Variants in AFG2B observed in about 807,000 individuals in gnomAD.
AFG2B encodes ATPase family gene 2 protein homolog B.
chr15:45,417,436 A>G, the AFG2B span: 1 of 1,607,362 alleles, frequency 6.2e-7, no homozygotes, highest in Non-Finnish European at 8.5e-7. Flanking sequence ...TGAGCTCAGC[A>G]GAATTGAATT....
the AFG2B span, among the ~76,000 whole-genome samples, chr15:45,419,613 G>A: frequency 2.0e-5 from 3 of 152,080 alleles, no homozygotes; most frequent in African/African-American, 7.2e-5. Flanking sequence ...TTGAATTAAA[G>A]TGATCACATT....
At chr15:45,418,005 T>C in the AFG2B span, among the ~76,000 whole-genome samples, 10 of 152,284 alleles carry the variant, frequency 6.6e-5, no homozygotes, top group Non-Finnish European at 1.3e-4. Context: ...TGATAATTCA[T>C]GTATTTGCTT....
At chr15:45,403,144 C>A in the AFG2B span, 1 of 1,460,780 alleles carries the variant, frequency 6.8e-7, no homozygotes, top group Non-Finnish European at 9.0e-7. Context: ...CGGGGTGCTC[C>A]TGGCGGGGCC....
At chr15:45,418,325 CAG>C in the AFG2B span, among the ~76,000 whole-genome samples, 8 of 128,986 alleles carry the variant, frequency 6.2e-5, no homozygotes, top group Non-Finnish European at 1.1e-4. Context: ...GCCTGGGTGA[CAG>C]AGCGAGACTC....
the AFG2B span, chr15:45,403,669 CCG>C: frequency 2.1e-6 from 2 of 964,398 alleles, no homozygotes; most frequent in Non-Finnish European, 3.0e-6. Flanking sequence ...ACGTTCTCTG[CCG>C]ATATATGATC....
the AFG2B span, among the ~76,000 whole-genome samples, chr15:45,416,112 A>G: frequency 6.6e-6 from 1 of 152,242 alleles, no homozygotes; most frequent in Non-Finnish European, 1.5e-5. Context: ...CCTAAAAACC[A>G]GTATTCATTT....
chr15:45,406,505 C>T, the AFG2B span, among the ~76,000 whole-genome samples: 1 of 152,064 alleles, frequency 6.6e-6, no homozygotes, highest in African/African-American at 2.4e-5. Flanking sequence ...TTAAATTTGT[C>T]CTTGATCTGC....
the AFG2B span, chr15:45,417,525 C>A: frequency 1.1e-6 from 1 of 919,660 alleles, no homozygotes; most frequent in Non-Finnish European, 1.6e-6. Flanking sequence ...CCTTTCATGA[C>A]ATCATAATTT....
At chr15:45,407,656 T>C in the AFG2B span, among the ~76,000 whole-genome samples, 1 of 152,216 alleles carries the variant, frequency 6.6e-6, no homozygotes, top group East Asian at 1.9e-4. Context: ...TTAACACTTT[T>C]GGGAGAATAC....
the AFG2B span, chr15:45,418,449 T>C: frequency 8.8e-7 from 1 of 1,134,306 alleles, no homozygotes; most frequent in African/African-American, 1.6e-5. Context: ...CCTATATATA[T>C]TTTCTCGGTA....
At chr15:45,418,331 G>A in the AFG2B span, among the ~76,000 whole-genome samples, 4 of 138,452 alleles carry the variant, frequency 2.9e-5, no homozygotes, top group South Asian at 2.3e-4. Flanking sequence ...GTGACAGAGC[G>A]AGACTCCATC....
chr15:45,404,421 A>G, the AFG2B span, among the ~76,000 whole-genome samples: 2 of 152,210 alleles, frequency 1.3e-5, no homozygotes, highest in Non-Finnish European at 2.9e-5. Context: ...GGATTTTCGT[A>G]TATTCAGAAT....
chr15:45,418,668 A>C, the AFG2B span: 1 of 1,613,520 alleles, frequency 6.2e-7, no homozygotes, highest in Non-Finnish European at 8.5e-7. Flanking sequence ...TGATCTTAGA[A>C]ACCTCTGCAC....
At chr15:45,409,798 G>A in the AFG2B span, among the ~76,000 whole-genome samples, 9 of 152,116 alleles carry the variant, frequency 5.9e-5, no homozygotes, top group South Asian at 1.9e-3. Flanking sequence ...ACTTGAGCCT[G>A]GGAGACTGCA....
At chr15:45,416,274 A>G in the AFG2B span, among the ~76,000 whole-genome samples, 2 of 152,246 alleles carry the variant, frequency 1.3e-5, no homozygotes. Flanking sequence ...TGAATGAATG[A>G]ATGAATGAAA....
At chr15:45,418,476 A>G in the AFG2B span, 2 of 1,414,848 alleles carry the variant, frequency 1.4e-6, no homozygotes, top group East Asian at 2.4e-5. Flanking sequence ...AAGGAAACTC[A>G]AGCTAAAAAT....
At chr15:45,412,180 A>C in the AFG2B span, among the ~76,000 whole-genome samples, 3 of 152,198 alleles carry the variant, frequency 2.0e-5, no homozygotes, top group East Asian at 5.8e-4. Flanking sequence ...AGGCAGGAGG[A>C]TCACGAGGTC....
At chr15:45,405,306 T>C in the AFG2B span, 1 of 1,604,584 alleles carries the variant, frequency 6.2e-7, no homozygotes. Flanking sequence ...TTTTTTGTTT[T>C]GCTTTGCATA....
At chr15:45,417,045 C>T in the AFG2B span, 3 of 416,138 alleles carry the variant, frequency 7.2e-6, no homozygotes, top group Non-Finnish European at 1.3e-5. Context: ...GAATGTTTCT[C>T]TTAGCTACTC....
Sources: gnomAD v4.1 joint callset for allele counts (sites outside exome capture counted in the v4.1 genomes callset) on GRCh38, gnomAD v4.1.1 for gene constraint, MANE v1.5 for transcripts, NCBI Gene and HGNC (gene_info 2026-07-23, HGNC 2026-07-21) for gene names.